ECE2: variants seen among roughly 807,000 people sequenced by gnomAD.
ECE2 encodes the protein endothelin converting enzyme 2.
A neutral mutation model predicts 100.6 loss-of-function variants in ECE2; 81 were observed. The ratio of observed to expected loss-of-function variants is 0.81; its 90% CI spans 0.67 to 0.97. ECE2 has a LOEUF of 0.97. Ranked by LOEUF, ECE2 falls within the 50% of genes least tolerant of loss-of-function variation. The pLI, the probability that ECE2 is intolerant of heterozygous loss-of-function variation, is 0.00. For missense variants in ECE2, 911 were observed against 988.1 expected (o/e 0.92, Z 1.05); for synonymous variants, 391 against 391.5 (o/e 1.00, Z 0.02).
chr3:184,290,643 C>G lies in ECE2; in HGVS notation c.1742C>G (p.Pro581Arg). The G allele has an allele frequency of 1.2e-6, 2 of 1,614,174 alleles. No individual in the cohort carries two copies. The highest frequency in any genetic ancestry group is 1.7e-6 in the Non-Finnish European group (2 of 1,180,034). The change falls in exon 15 of 19, where the codon CCC (proline) becomes CGC (arginine). Residue 581 changes from proline (P) to arginine (R), a missense_variant. Physicochemically the swap from Pro to Arg is moderately radical, Grantham distance 103. Transcript: ENST00000404464. Reference sequence around the variant, plus strand: ...TTCCCCGCTGGCATCCTGCAGGCCCCCTTCTATGCCCGCAACCACCCCAAG... The same window carrying G: ...TTCCCCGCTGGCATCCTGCAGGCCCGCTTCTATGCCCGCAACCACCCCAAG... ...IVFPAGILQA[P>R]FYARNHPKAL... is the part of the protein sequence containing the mutation.
At chr3:184,285,637 G>T (rs769211689) in intron 10 of ECE2, 45 bp downstream of exon 10, 1 of 1,345,678 alleles carries the variant, frequency 7.4e-7, no homozygotes, top group South Asian at 1.2e-5. Flanking sequence ...CAGTCTAACC[G>T]ATGCTGCATA....
At chr3:184,279,753 G>C (rs1720741226) in intron 7 of ECE2, among the ~76,000 whole-genome samples, 1 of 152,068 alleles carries the variant, frequency 6.6e-6, no homozygotes, top group South Asian at 2.1e-4. Flanking sequence ...CAAGGCAGAT[G>C]AGAGGCTGGA....
chr3:184,286,497 G>A (rs973816694), intron 10 of ECE2, among the ~76,000 whole-genome samples: 7 of 152,058 alleles, frequency 4.6e-5, no homozygotes, highest in Admixed American at 3.3e-4. Flanking sequence ...TGGAGTCAGG[G>A]TGTCCAGTTA....
At chr3:184,278,904 G>T (rs961623465) in intron 7 of ECE2, 17 of 270,352 alleles carry the variant, frequency 6.3e-5, no homozygotes, top group Non-Finnish European at 1.1e-4. Flanking sequence ...GCTCACAAGA[G>T]GGTCCTGAGG....
At position 184,285,074 on chromosome 3, in the gene ECE2, G is replaced by T. The variant is rs145212383; in HGVS notation, c.1117G>T (p.Val373Leu). 5.6e-6 allele frequency: 9 copies of T among 1,614,172 alleles called. No homozygotes were observed. Among genetic ancestry groups the T allele is most frequent in the Middle Eastern group, 1.7e-4 (1 of 6,060 alleles). Residue 373 changes from valine (V) to leucine (L), a missense_variant, in exon 9 of 19, where the codon GTG (valine) becomes TTG (leucine). By Grantham distance (32) the Val-to-Leu change is conservative (BLOSUM62 1). Coordinates refer to ENST00000404464, the MANE Select transcript of ECE2 (RefSeq NM_001100121.2). ...VVYGMDYLQQ[V>L]SELINRTEPS... ...GTATGGGATGGATTATTTGCAGCAG[G>T]TGTCAGAGCTCATCAACCGCACGGA...
intron 11 of ECE2, among the ~76,000 whole-genome samples, chr3:184,288,179 G>A (rs193052951): frequency 1.3e-5 from 2 of 151,730 alleles, no homozygotes; most frequent in African/African-American, 2.4e-5. Flanking sequence ...GCGTGGTGGC[G>A]GGTGTCTGTA....
chr3:184,278,935 G>A (rs1260512191), intron 7 of ECE2: 2 of 223,054 alleles, frequency 9.0e-6, no homozygotes, highest in Non-Finnish European at 1.8e-5. Context: ...GACTTAGGGA[G>A]CCAGCAAAGT....
intron 10 of ECE2, among the ~76,000 whole-genome samples, chr3:184,287,328 TG>T (rs76957015): frequency 0.15 from 22,940 of 148,528 alleles, 2,402 homozygotes; most frequent in African/African-American, 0.3. Flanking sequence ...AGACTGAATG[TG>T]GGGGGTTAGG....
intron 10 of ECE2, among the ~76,000 whole-genome samples, chr3:184,287,269 C>G (rs1315889558): frequency 6.7e-6 from 1 of 148,264 alleles, no homozygotes; most frequent in Non-Finnish European, 1.5e-5. Context: ...GAGTGAGACT[C>G]CATCTCAAAA....
chr3:184,281,771 G>A (rs895483274), intron 7 of ECE2, among the ~76,000 whole-genome samples: 1 of 152,230 alleles, frequency 6.6e-6, no homozygotes, highest in Non-Finnish European at 1.5e-5. Flanking sequence ...GGGATCTAGA[G>A]AAAGATGCAA....
rs368753439 is a variant in ECE2, at chr3:184,277,422, A to G, written c.434A>G (p.Asn145Ser). The change falls in exon 4 of 19, where the codon AAC becomes AGC. Residue 145 changes from asparagine to serine, a missense_variant. Coordinates refer to ENST00000404464, the MANE Select transcript of ECE2 (RefSeq NM_001100121.2). ...PDGRSRWNTF[N>S]SLWDQNQAIL... ...GGGCGTTCTCGCTGGAACACCTTCA[A>G]CAGCCTCTGGGACCAAAACCAGGCC... The G allele has an allele frequency of 2.5e-6, 4 of 1,613,678 alleles. No homozygotes were observed. The highest frequency in any genetic ancestry group is 1.1e-5 in the South Asian group (1 of 91,086).
chr3:184,292,132 G>A lies in ECE2; in HGVS notation c.2192G>A (p.Arg731His), dbSNP rs373451243. 4.1e-5 allele frequency: 66 copies of A among 1,613,868 alleles called. No homozygotes were observed. Among genetic ancestry groups the A allele is most frequent in the East Asian group, 1.8e-4 (8 of 44,892 alleles). Residue 731 changes from arginine to histidine, a missense_variant, in exon 19 of 19, where the codon CGC becomes CAC. Coordinates refer to ENST00000404464, the MANE Select transcript of ECE2 (RefSeq NM_001100121.2). Reference sequence around the variant, plus strand: ...GTGACCGACCCCCACAGCCCTGCCCGCTTCCGCGTGCTGGGCACTCTCTCC... The same window carrying A: ...GTGACCGACCCCCACAGCCCTGCCCACTTCCGCGTGCTGGGCACTCTCTCC... ...GLVTDPHSPA[R>H]FRVLGTLSNS...
At position 184,277,688 on chromosome 3, in the gene ECE2, CTGTT is replaced by C. The variant is rs201096155; in HGVS notation, c.478+225_478+228del. Among the ~76,000 whole-genome samples, 797 of 152,342 alleles carry C rather than the reference CTGTT, an allele frequency of 5.2e-3. 7 individuals are homozygous for C. The highest frequency in any genetic ancestry group is 0.018 in the African/African-American group (742 of 41,584). On this transcript the variant is annotated intron_variant, in intron 4 of 18. Coordinates refer to ENST00000404464, the MANE Select transcript of ECE2 (RefSeq NM_001100121.2). ...CAATGGAGGGCCGCTTCTCTGCACT[CTGTT>C]TGGAGCACTGTCGTGGTGTGGTAGA...
chr3:184,285,366 T>G, intron 9 of ECE2, 112 bp from the exon 10 acceptor site: 3 of 957,126 alleles, frequency 3.1e-6, no homozygotes, highest in Non-Finnish European at 4.8e-6. Flanking sequence ...CCGGGACAGC[T>G]TCCACATATG....
chr3:184,291,587 C>A lies in ECE2; in HGVS notation c.2121+148C>A. 1 of 771,542 alleles carries A rather than the reference C, an allele frequency of 1.3e-6. No homozygotes were observed. Among genetic ancestry groups the A allele is most frequent in the Non-Finnish European group, 2.0e-6 (1 of 504,406 alleles). 47.8% of individuals were successfully genotyped at this position (771,542 alleles called of 1,614,324 possible). A position where few individuals can be genotyped will look rare whatever the true frequency, so the allele number is the denominator to read the frequency against. On this transcript the variant is annotated intron_variant, in intron 18 of 18. Coordinates refer to ENST00000404464, the MANE Select transcript of ECE2 (RefSeq NM_001100121.2). The surrounding 1 kb of genome is among the most constrained non-coding windows in gnomAD (Gnocchi z 4.1). ...GAAAGGTGGGCTGGGAAGGCCCATG[C>A]CCAGAGCCTCCGGCCAGCCAGGGCC... is the stretch of plus-strand genomic sequence containing the variant.
At position 184,278,206 on chromosome 3, in the gene ECE2, A is replaced by G. The variant is rs1398399738; in HGVS notation, c.643A>G (p.Asn215Asp). Reference protein sequence around the residue: ...WNITGPWDQDNFMEVLKAVAG... With the variant: ...WNITGPWDQDDFMEVLKAVAG... ...CATTACGGGGCCCTGGGACCAGGAC[A>G]ACTTTATGGAGGTGTTGAAGGCAGT... Residue 215 changes from asparagine (N) to aspartate (D), a missense_variant, in exon 6 of 19, where the codon AAC becomes GAC. Transcript: ENST00000404464. 1 of 1,614,022 alleles carries G rather than the reference A, an allele frequency of 6.2e-7. No individual in the cohort carries two copies. The highest frequency in any genetic ancestry group is 1.3e-5 in the African/African-American group (1 of 74,902).
At chr3:184,277,513 GCC>G (rs1409828776) in intron 4 of ECE2, 47 bp downstream of exon 4, 1 of 1,595,972 alleles carries the variant, frequency 6.3e-7, no homozygotes, top group Admixed American at 1.7e-5. Context: ...TGTGCCTTGT[GCC>G]CAGCACAGGG....
chr3:184,289,372 G>A lies in ECE2; in HGVS notation c.1375-65G>A. 1.1e-5 allele frequency: 16 copies of A among 1,474,130 alleles called. No individual in the cohort carries two copies. The highest frequency in any genetic ancestry group is 1.5e-5 in the Non-Finnish European group (16 of 1,077,474). The allele number at this position is 1,474,130 out of a possible 1,614,324, so 91.3% of individuals were successfully genotyped here. On this transcript the variant is annotated intron_variant, in intron 11 of 18. Transcript: ENST00000404464. The surrounding 1 kb of genome is among the most constrained non-coding windows in gnomAD (Gnocchi z 4.1). The stretch of plus-strand genomic sequence containing the variant: ...GGTGGACAGGGATGGGGCACCAAGG[G>A]TGGATGGGTGGGGCAGGGATGCATT...
At position 184,291,704 on chromosome 3, in the gene ECE2, C is replaced by CGGGGTGGGGCAA; in HGVS notation, c.2121+265_2121+266insGGGGTGGGGCAA. 1 of 486,108 alleles carries CGGGGTGGGGCAA rather than the reference C, an allele frequency of 2.1e-6. No homozygotes were observed. The highest frequency in any genetic ancestry group is 4.1e-5 in the South Asian group (1 of 24,412). The allele number at this position is 486,108 out of a possible 1,614,324, so 30.1% of individuals were successfully genotyped here. A position where few individuals can be genotyped will look rare whatever the true frequency, so the allele number is the denominator to read the frequency against. On this transcript the variant is annotated intron_variant, in intron 18 of 18. Transcript: ENST00000404464. The surrounding 1 kb of genome is among the most constrained non-coding windows in gnomAD (Gnocchi z 4.1). ...GCAAGGTTGTCGTGCTTGCGGGGCA[C>CGGGGTGGGGCAA]AGGGTGGCGAAGGGGGCAAACGTTC...
Sources: gnomAD v4.1 joint callset for allele counts (sites outside exome capture counted in the v4.1 genomes callset) on GRCh38, gnomAD v4.1.1 for gene constraint, Gnocchi (gnomAD v3.1) non-coding constraint, MANE v1.5 for transcripts, NCBI Gene and HGNC (gene_info 2026-07-23, HGNC 2026-07-21) for gene names.